GARRE1: variants seen among roughly 807,000 people sequenced by gnomAD.
GARRE1 encodes the protein granule associated Rac and RHOG effector 1.
In GARRE1, 49 loss-of-function variants were observed where a neutral mutation model predicts 103.2. The ratio of observed to expected loss-of-function variants is 0.47; its 90% confidence interval spans 0.38 to 0.60. GARRE1 has a LOEUF of 0.60. Among genes scored for constraint, GARRE1 ranks in the 20% least tolerant of loss-of-function variants. The probability of loss-of-function intolerance (pLI) is 0.00; values close to 1 mark genes in which losing one functional copy is unlikely to be tolerated. For missense variants in GARRE1, 1,199 were observed against 1,370.5 expected (o/e 0.87, Z 1.98); for synonymous variants, 505 against 532.8 (o/e 0.95, Z 0.72).
chr19:34,353,026 C>T lies in GARRE1; in HGVS notation c.*71C>T. The T allele has an allele frequency of 1.5e-6, 2 of 1,364,980 alleles. No individual in the cohort carries two copies. The highest frequency in any genetic ancestry group is 2.0e-6 in the Non-Finnish European group (2 of 1,019,080). 84.6% of individuals were successfully genotyped at this position (1,364,980 alleles called of 1,614,324 possible). A position where few individuals can be genotyped will look rare whatever the true frequency, so the allele number is the denominator to read the frequency against. On this transcript the variant is annotated 3_prime_UTR_variant, in exon 14 of 14. Coordinates refer to ENST00000299505, the MANE Select transcript of GARRE1 (RefSeq NM_014686.5). ...GCTGTGGGGATGAGTGTCCCCACCC[C>T]AGGGCCACTTAGCTGACACCAGCCC...
At chr19:34,296,215 A>G (rs1277139182) in intron 1 of GARRE1, 1 of 553,058 alleles carries the variant, frequency 1.8e-6, no homozygotes, top group Non-Finnish European at 3.2e-6. Context: ...CGCCCCATGC[A>G]GACGGCAGCC....
chr19:34,260,370 A>T (rs1599743620), intron 1 of GARRE1, among the ~76,000 whole-genome samples: 1 of 152,356 alleles, frequency 6.6e-6, no homozygotes, highest in Admixed American at 6.5e-5. Flanking sequence ...AAAAAACATC[A>T]TGTGACTTGC....
chr19:34,304,667 C>T (rs2073999239), intron 2 of GARRE1, among the ~76,000 whole-genome samples: 1 of 152,114 alleles, frequency 6.6e-6, no homozygotes, highest in African/African-American at 2.4e-5. Flanking sequence ...GGTTAGCCAC[C>T]ACGCCCAGCC....
intron 8 of GARRE1, 124 bp downstream of exon 8, chr19:34,333,925 A>T: frequency 2.8e-6 from 2 of 710,034 alleles, no homozygotes; most frequent in Non-Finnish European, 5.1e-6. Flanking sequence ...CTGCATGTGC[A>T]GGTTTATGGG....
In GARRE1 at chr19:34,305,103, A is replaced by G. The variant is rs140628959; in HGVS notation, c.495+4135A>G. 3.3e-5 allele frequency among the ~76,000 whole-genome samples: 5 copies of G among 152,284 alleles called. No individual in the cohort carries two copies. In the East Asian group the frequency reaches 9.6e-4, roughly 29 times the overall value. On this transcript the variant is annotated intron_variant, in intron 2 of 13. Transcript: ENST00000299505. ...CACCGTGCCCGGCGGGCTTGTCATA[A>G]TTTTGTTTAAAAATTCAACACATAA... is the stretch of plus-strand genomic sequence containing the variant.
At chr19:34,306,253 T>C (rs953519553) in intron 2 of GARRE1, among the ~76,000 whole-genome samples, 1 of 152,222 alleles carries the variant, frequency 6.6e-6, no homozygotes, top group Non-Finnish European at 1.5e-5. Flanking sequence ...AGGCCTCTAC[T>C]CAGGAGCTCA....
chr19:34,279,794 G>A (rs1405551790), intron 1 of GARRE1, among the ~76,000 whole-genome samples: 2 of 151,556 alleles, frequency 1.3e-5, no homozygotes, highest in Non-Finnish European at 2.9e-5. Flanking sequence ...GACCATCCCG[G>A]CTAAAACGGT....
At chr19:34,277,198 C>T (rs2073822008) in intron 1 of GARRE1, among the ~76,000 whole-genome samples, 1 of 152,118 alleles carries the variant, frequency 6.6e-6, no homozygotes, top group Admixed American at 6.6e-5. Flanking sequence ...CGACATGAGG[C>T]TGGAGAGGTG....
intron 9 of GARRE1, 155 bp downstream of exon 9, chr19:34,340,147 C>G (rs1229005178): frequency 4.0e-6 from 3 of 740,856 alleles, no homozygotes; most frequent in East Asian, 5.3e-5. Context: ...TTAAAACCTG[C>G]AGCAAAGTGG....
At chr19:34,340,311 T>C (rs912995446) in intron 9 of GARRE1, among the ~76,000 whole-genome samples, 72 of 152,184 alleles carry the variant, frequency 4.7e-4, no homozygotes, top group African/African-American at 1.7e-3. Flanking sequence ...AACAGAGAAA[T>C]GTTTAGAAAA....
At chr19:34,296,834 G>C (rs2073950134) in intron 1 of GARRE1, among the ~76,000 whole-genome samples, 1 of 152,136 alleles carries the variant, frequency 6.6e-6, no homozygotes, top group Non-Finnish European at 1.5e-5. Context: ...TTTGGGGACA[G>C]AGTCTTGCAG....
At chr19:34,293,005 G>A (rs1225911247) in intron 1 of GARRE1, among the ~76,000 whole-genome samples, 1 of 152,050 alleles carries the variant, frequency 6.6e-6, no homozygotes, top group Non-Finnish European at 1.5e-5. Flanking sequence ...TACTGAATTC[G>A]GCCCATTTTA....
chr19:34,321,835 A>G (rs1367808091), intron 3 of GARRE1, among the ~76,000 whole-genome samples: 1 of 152,222 alleles, frequency 6.6e-6, no homozygotes, highest in African/African-American at 2.4e-5. Context: ...AGATATGTTT[A>G]TAAAATCTAG....
chr19:34,287,966 A>G (rs559588229), intron 1 of GARRE1, among the ~76,000 whole-genome samples: 7 of 152,182 alleles, frequency 4.6e-5, no homozygotes, highest in Non-Finnish European at 7.4e-5. Flanking sequence ...GTTGTGGGCA[A>G]TTCAGTTCTG....
At chr19:34,290,831 A>G (rs1386334042) in intron 1 of GARRE1, among the ~76,000 whole-genome samples, 3 of 147,116 alleles carry the variant, frequency 2.0e-5, no homozygotes, top group Non-Finnish European at 4.4e-5. Context: ...AATTTGGATC[A>G]AAACTCAAAA....
At position 34,319,959 on chromosome 19, in the gene GARRE1, C is replaced by A. The variant is rs149223464; in HGVS notation, c.548C>A (p.Thr183Asn). ...GTGCAAGTCCATTTCCAGTTTTTGA[C>A]TCATGCGTTACAGAAGGTCCAGCCG... ...TVVQVHFQFL[T>N]HALQKVQPVA... The change falls in exon 3 of 14, where the codon ACT becomes AAT. Residue 183 changes from threonine (T) to asparagine (N), a missense_variant. By Grantham distance (65) the Thr-to-Asn change is moderately conservative. Transcript: ENST00000299505. The A allele has an allele frequency of 3.7e-4, 594 of 1,614,244 alleles. No individual in the cohort carries two copies. The highest frequency in any genetic ancestry group is 4.6e-4 in the Non-Finnish European group (542 of 1,180,048).
chr19:34,330,080 A>T, intron 6 of GARRE1, 109 bp from the exon 7 acceptor site: 1 of 1,000,888 alleles, frequency 1.0e-6, no homozygotes. Context: ...AAAATACATA[A>T]ATAAAATGCT....
chr19:34,347,395 C>T (rs561608000), intron 10 of GARRE1, among the ~76,000 whole-genome samples: 2 of 152,012 alleles, frequency 1.3e-5, no homozygotes, highest in African/African-American at 4.8e-5. Flanking sequence ...TGGCCCACAC[C>T]CAGCTAATTT....
chr19:34,351,465 C>A (rs376198003), intron 12 of GARRE1, 49 bp from the exon 13 acceptor site: 3 of 1,428,444 alleles, frequency 2.1e-6, no homozygotes, highest in Non-Finnish European at 3.0e-6. Context: ...TACAGGTGGG[C>A]TGGGCAGGAA....
Sources: gnomAD v4.1 joint callset for allele counts (sites outside exome capture counted in the v4.1 genomes callset) on GRCh38, gnomAD v4.1.1 for gene constraint, MANE v1.5 for transcripts, NCBI Gene and HGNC (gene_info 2026-07-23, HGNC 2026-07-21) for gene names.